The following ST8SIA1 variants were observed in gnomAD, a reference collection of about 807,000 sequenced individuals.
The protein encoded by ST8SIA1 is alpha-N-acetylneuraminide alpha-2,8-sialyltransferase.
ST8SIA1 carries 16 observed loss-of-function variants against 35.9 expected under a neutral mutation model. The observed-to-expected ratio is 0.45, with a 90% CI of 0.30 to 0.68. The LOEUF (loss-of-function observed/expected upper bound fraction) is 0.68, where lower values mean the gene tolerates loss of function less well. Among genes scored for constraint, ST8SIA1 ranks in the 30% least tolerant of loss-of-function variants. ST8SIA1 has a pLI of 0.09. For missense variants in ST8SIA1, 383 were observed against 453.6 expected (o/e 0.84, Z 1.41); for synonymous variants, 170 against 169.6 (o/e 1.00, Z -0.02).
At chr12:22,237,903 A>G (rs1865493718) in intron 4 of ST8SIA1, among the ~76,000 whole-genome samples, 1 of 151,830 alleles carries the variant, frequency 6.6e-6, no homozygotes, top group East Asian at 1.9e-4. Context: ...ACTCTGCTGT[A>G]TTTTTGTTTT....
chr12:22,203,608 G>A (rs1214494437), intron 4 of ST8SIA1, among the ~76,000 whole-genome samples: 2 of 152,096 alleles, frequency 1.3e-5, no homozygotes, highest in Non-Finnish European at 2.9e-5. Flanking sequence ...TGATACAGAA[G>A]TAATAACAGG....
intron 2 of ST8SIA1, among the ~76,000 whole-genome samples, chr12:22,270,562 A>G (rs1260688181): frequency 6.6e-6 from 1 of 152,226 alleles, no homozygotes; most frequent in Non-Finnish European, 1.5e-5. Context: ...TAAAACAAAA[A>G]TATGTTCAAT....
chr12:22,251,410 T>A (rs1030007223), intron 3 of ST8SIA1, among the ~76,000 whole-genome samples: 1 of 152,126 alleles, frequency 6.6e-6, no homozygotes, highest in Non-Finnish European at 1.5e-5. Context: ...AGAACAGAGG[T>A]GAATGCTTAA....
chr12:22,297,633 T>C (rs145225422), intron 1 of ST8SIA1, among the ~76,000 whole-genome samples: 56 of 152,278 alleles, frequency 3.7e-4, no homozygotes, highest in Non-Finnish European at 7.1e-4. Context: ...CAGCACAGAA[T>C]ATCAGCATTT....
At chr12:22,266,880 CAT>C (rs1491180605) in intron 2 of ST8SIA1, among the ~76,000 whole-genome samples, 29 of 148,748 alleles carry the variant, frequency 1.9e-4, no homozygotes, top group Middle Eastern at 3.6e-3. Context: ...CACACACACA[CAT>C]ATACACAAAA....
chr12:22,263,573 T>G (rs527750138), intron 2 of ST8SIA1, among the ~76,000 whole-genome samples: 17 of 152,164 alleles, frequency 1.1e-4, no homozygotes, highest in Non-Finnish European at 2.4e-4. Flanking sequence ...GCTAAAAGAG[T>G]GATGCTTACT....
intron 4 of ST8SIA1, among the ~76,000 whole-genome samples, chr12:22,227,929 G>C (rs190660179): frequency 6.6e-6 from 1 of 152,160 alleles, no homozygotes; most frequent in Non-Finnish European, 1.5e-5. Flanking sequence ...GGAGTCATAC[G>C]CAGAATTTAA....
chr12:22,214,282 A>T (rs974546818), intron 4 of ST8SIA1, among the ~76,000 whole-genome samples: 1 of 152,148 alleles, frequency 6.6e-6, no homozygotes, highest in African/African-American at 2.4e-5. Context: ...ATAAAGACAG[A>T]AAGTGGTCTG....
At chr12:22,258,873 T>C (rs183146748) in intron 2 of ST8SIA1, among the ~76,000 whole-genome samples, 465 of 152,326 alleles carry the variant, frequency 3.1e-3, no homozygotes, top group Non-Finnish European at 5.4e-3. Flanking sequence ...AGCAGCAACA[T>C]AGTCCTAGTT....
chr12:22,279,498 C>T (rs1591842668), intron 2 of ST8SIA1, among the ~76,000 whole-genome samples: 1 of 152,206 alleles, frequency 6.6e-6, no homozygotes, highest in East Asian at 1.9e-4. Flanking sequence ...GTCAGAGGCT[C>T]TGGCTTCTTC....
At chr12:22,209,947 A>T (rs1865159637) in intron 4 of ST8SIA1, among the ~76,000 whole-genome samples, 2 of 152,144 alleles carry the variant, frequency 1.3e-5, no homozygotes, top group South Asian at 4.1e-4. Context: ...AATCCTCCAA[A>T]CCAGGAAGGG....
At chr12:22,205,291 A>G (rs1865094269) in intron 4 of ST8SIA1, among the ~76,000 whole-genome samples, 1 of 152,198 alleles carries the variant, frequency 6.6e-6, no homozygotes, top group Admixed American at 6.5e-5. Flanking sequence ...AAAACTACTA[A>G]ACAGTAATTT....
chr12:22,261,768 C>T (rs1376976563), intron 2 of ST8SIA1, among the ~76,000 whole-genome samples: 2 of 152,140 alleles, frequency 1.3e-5, no homozygotes, highest in African/African-American at 4.8e-5. Flanking sequence ...TTCTGAGATA[C>T]CCCTTATCCT....
At chr12:22,262,840 A>G (rs1395660227) in intron 2 of ST8SIA1, among the ~76,000 whole-genome samples, 1 of 152,228 alleles carries the variant, frequency 6.6e-6, no homozygotes, top group African/African-American at 2.4e-5. Flanking sequence ...TGAAATCAAA[A>G]TCTAAGAATT....
chr12:22,239,983 G>C (rs1171686236), intron 4 of ST8SIA1, among the ~76,000 whole-genome samples: 1 of 151,876 alleles, frequency 6.6e-6, no homozygotes, highest in South Asian at 2.1e-4. Flanking sequence ...TTTTTTTGTG[G>C]GGAAGGTGGG....
Position 22,199,156 on chromosome 12 carries a change from TTTC to T in ST8SIA1, c.*2393_*2395del, listed in dbSNP as rs751486903. On this transcript the variant is annotated 3_prime_UTR_variant, in exon 5 of 5. Coordinates refer to ENST00000396037, the MANE Select transcript of ST8SIA1 (RefSeq NM_003034.4). Reference sequence around the variant, plus strand: ...CACATAATATTTTCTTTCTTTTTCTTTTCTTTTTTTTTTTTTTGAGACAGGGTC... The same window carrying T: ...CACATAATATTTTCTTTCTTTTTCTTTTTTTTTTTTTTTTGAGACAGGGTC... 247 of 69,868 alleles carry T rather than the reference TTTC, an allele frequency of 3.5e-3. No homozygotes were observed. The highest frequency in any genetic ancestry group is 0.011 in the African/African-American group (223 of 20,204). The allele number at this position is 69,868 out of a possible 1,614,324, so 4.3% of individuals were successfully genotyped here.
At chr12:22,331,197 T>A (rs1866759395) in intron 1 of ST8SIA1, among the ~76,000 whole-genome samples, 1 of 152,140 alleles carries the variant, frequency 6.6e-6, no homozygotes, top group Non-Finnish European at 1.5e-5. Flanking sequence ...AGTGAAACAC[T>A]CCCTTTTCTC....
chr12:22,249,824 G>C (rs991672796), intron 3 of ST8SIA1, among the ~76,000 whole-genome samples: 3 of 152,128 alleles, frequency 2.0e-5, no homozygotes, highest in African/African-American at 4.8e-5. Flanking sequence ...CAGTACCTCT[G>C]CACACCCATA....
At chr12:22,262,998 C>T (rs1268840343) in intron 2 of ST8SIA1, among the ~76,000 whole-genome samples, 1 of 152,122 alleles carries the variant, frequency 6.6e-6, no homozygotes, top group Non-Finnish European at 1.5e-5. Flanking sequence ...CTAAAAACTT[C>T]AGAATCCCCG....
Sources: allele counts gnomAD v4.1 joint callset (sites outside exome capture counted in the v4.1 genomes callset), GRCh38; gene constraint gnomAD v4.1.1; transcripts MANE v1.5; gene names NCBI Gene and HGNC (gene_info 2026-07-23, HGNC 2026-07-21).